UGT2B4: variants seen among roughly 807,000 people sequenced by gnomAD.
UGT2B4 encodes UDP glucuronosyltransferase family 2 member B4.
A neutral mutation model predicts 49.8 loss-of-function variants in UGT2B4; 49 were observed. The observed-to-expected ratio is 0.98, with a 90% CI of 0.78 to 1.25. The LOEUF (loss-of-function observed/expected upper bound fraction) is 1.25. UGT2B4 is among the 50% of genes most tolerant of loss of function. The pLI, the probability that UGT2B4 is intolerant of heterozygous loss-of-function variation, is 0.00. For missense variants in UGT2B4, 729 were observed against 627.7 expected (o/e 1.16, Z -1.73); for synonymous variants, 246 against 217.7 (o/e 1.13, Z -1.14).
upstream of UGT2B4, among the ~76,000 whole-genome samples, chr4:69,496,416 A>T (rs1728165045): frequency 6.6e-6 from 1 of 152,222 alleles, no homozygotes; most frequent in African/African-American, 2.4e-5. Context: ...AATAGTGTGC[A>T]TAAGAGTAGC....
At chr4:69,512,831 G>C (rs1280962884) in intron 1 of UGT2B4, among the ~76,000 whole-genome samples, 3 of 152,044 alleles carry the variant, frequency 2.0e-5, no homozygotes, top group Non-Finnish European at 4.4e-5. Flanking sequence ...TTTCTTTAAC[G>C]ATCAAAAAAG....
At chr4:69,525,344 A>G (rs1279594497) in intron 1 of UGT2B4, among the ~76,000 whole-genome samples, 2 of 152,164 alleles carry the variant, frequency 1.3e-5, no homozygotes, top group Non-Finnish European at 2.9e-5. Flanking sequence ...GTGAATACTG[A>G]CTGCATCTGA....
Position 69,485,313 on chromosome 4 carries a change from T to G in UGT2B4, c.1205A>C (p.Asn402Thr). ...TCCCTTGGCCTTCATGTGTGCAATG[T>G]TATCAGGTTGATCTGCAAACAATGG... ...GVPLFADQPD[N>T]IAHMKAKGAA... Residue 402 changes from asparagine to threonine, a missense_variant, in exon 5 of 6, where the codon AAC becomes ACC. Asn to Thr is a moderately conservative substitution (Grantham distance 65). Transcript: ENST00000305107. The G allele has an allele frequency of 6.2e-7, 1 of 1,614,062 alleles. No homozygotes were observed. Among genetic ancestry groups the G allele is most frequent in the Non-Finnish European group, 8.5e-7 (1 of 1,179,956 alleles).
At chr4:69,486,783 A>G in intron 3 of UGT2B4, 87 bp from the exon 4 acceptor site, 1 of 991,946 alleles carries the variant, frequency 1.0e-6, no homozygotes, top group East Asian at 2.6e-5. Flanking sequence ...AACAATGAGA[A>G]GAACAAGGGA....
At chr4:69,499,374 AC>A, upstream of UGT2B4, among the ~76,000 whole-genome samples, 1 of 152,166 alleles carries the variant, frequency 6.6e-6, no homozygotes, top group East Asian at 1.9e-4. Flanking sequence ...GATATCTGTC[AC>A]GTCCACTTGA....
At chr4:69,491,485 G>A (rs988370730) in intron 2 of UGT2B4, among the ~76,000 whole-genome samples, 16 of 151,702 alleles carry the variant, frequency 1.1e-4, no homozygotes, top group African/African-American at 3.9e-4. Context: ...TAATACATTT[G>A]CCAAGTGTCC....
intron 1 of UGT2B4, among the ~76,000 whole-genome samples, chr4:69,504,106 G>A (rs1375106956): frequency 6.6e-6 from 1 of 152,124 alleles, no homozygotes; most frequent in Non-Finnish European, 1.5e-5. Flanking sequence ...ATTGATGACA[G>A]GCCCACAAAG....
intron 2 of UGT2B4, among the ~76,000 whole-genome samples, chr4:69,491,259 CTG>C (rs1727977512): frequency 6.6e-6 from 1 of 151,668 alleles, no homozygotes; most frequent in African/African-American, 2.4e-5. Context: ...CTGACTGTAA[CTG>C]AATATTTTAT....
At chr4:69,500,605 G>GAAAGCAAGAAAGCAA (rs57424138), upstream of UGT2B4, among the ~76,000 whole-genome samples, 452 of 130,654 alleles carry the variant, frequency 3.5e-3, 5 homozygotes, top group Middle Eastern at 0.019. Flanking sequence ...AAGAAAGCAA[G>GAAAGCAAGAAAGCAA]GAAGAAAGAA....
intron 1 of UGT2B4, among the ~76,000 whole-genome samples, 167 bp from the exon 2 acceptor site, chr4:69,494,008 T>C (rs1728073268): frequency 6.6e-6 from 1 of 152,108 alleles, no homozygotes; most frequent in Non-Finnish European, 1.5e-5. Context: ...TTATGTATTA[T>C]ATATTTTACC....
At chr4:69,494,752 AT>A (rs1728093229) in intron 1 of UGT2B4, among the ~76,000 whole-genome samples, 1 of 152,218 alleles carries the variant, frequency 6.6e-6, no homozygotes, top group Non-Finnish European at 1.5e-5. Context: ...CTGCAATGTT[AT>A]ATAGATAGTT....
exon 1 of UGT2B4, chr4:69,525,743 C>A: frequency 7.9e-7 from 1 of 1,264,998 alleles, no homozygotes; most frequent in Non-Finnish European, 1.0e-6. Context: ...GATGTAGTCC[C>A]TGTGCTCAAG....
In UGT2B4 at chr4:69,512,923, TG is replaced by T. The variant is rs1319505075; in HGVS notation, c.-106+12763del. On this transcript the variant is annotated intron_variant, in intron 1 of 1. Transcript: ENST00000510114. ...TTCGTGTTCTTTGCCCACTTATTGC[TG>T]GGGTTGTTTGTTTTTCTCTTGTAAA... is the stretch of plus-strand genomic sequence containing the variant. 3.3e-5 allele frequency among the ~76,000 whole-genome samples: 5 copies of T among 152,292 alleles called. No homozygotes were observed. The East Asian group carries it at 9.6e-4, about 29-fold the overall frequency.
At chr4:69,500,664 A>AG (rs1560438439), upstream of UGT2B4, among the ~76,000 whole-genome samples, 11 of 118,436 alleles carry the variant, frequency 9.3e-5, no homozygotes, top group South Asian at 2.6e-4. Flanking sequence ...AAAGAAAGAA[A>AG]GAAAGGAAGG....
At chr4:69,515,514 G>A (rs2109830717) in intron 1 of UGT2B4, among the ~76,000 whole-genome samples, 1 of 152,286 alleles carries the variant, frequency 6.6e-6, no homozygotes, top group Admixed American at 6.5e-5. Context: ...CTAAAGCAGT[G>A]TTAGGGAAAT....
chr4:69,509,188 T>TTTTTTTTTTA (rs1728548399), intron 1 of UGT2B4, among the ~76,000 whole-genome samples: 2 of 149,784 alleles, frequency 1.3e-5, no homozygotes, highest in African/African-American at 4.9e-5. Context: ...TTTTTTTTTT[T>TTTTTTTTTTA]GAGACAGGGT....
At chr4:69,504,199 A>G (rs1728410676) in intron 1 of UGT2B4, among the ~76,000 whole-genome samples, 1 of 152,212 alleles carries the variant, frequency 6.6e-6, no homozygotes, top group Non-Finnish European at 1.5e-5. Flanking sequence ...CCTCTCCAGC[A>G]AAGGTTCAGA....
intron 1 of UGT2B4, among the ~76,000 whole-genome samples, chr4:69,505,400 C>T (rs1359696775): frequency 6.6e-6 from 1 of 151,824 alleles, no homozygotes; most frequent in Non-Finnish European, 1.5e-5. Flanking sequence ...AGATAAAAAA[C>T]AGAAAAAAAC....
chr4:69,495,267 A>C lies in UGT2B4; in HGVS notation c.595T>G (p.Ser199Ala), dbSNP rs780464118. 23 of 1,613,444 alleles carry C rather than the reference A, an allele frequency of 1.4e-5. No individual in the cohort carries two copies. The highest frequency in any genetic ancestry group is 1.9e-5 in the Non-Finnish European group (23 of 1,179,744). ...FPPSYVPVVM[S>A]ELSDQMTFIE... ...AAAGTCATTTGGTCACTTAGTTCTGACATAACAACAGGCACATAGGAAGGA... is the reference window on the plus strand; with the variant it reads ...AAAGTCATTTGGTCACTTAGTTCTGCCATAACAACAGGCACATAGGAAGGA... Residue 199 changes from serine to alanine, a missense_variant, in exon 1 of 6, where the codon TCA becomes GCA. Transcript: ENST00000305107.
Sources: allele counts gnomAD v4.1 joint callset (sites outside exome capture counted in the v4.1 genomes callset), GRCh38; gene constraint gnomAD v4.1.1; transcripts MANE v1.5; gene names NCBI Gene and HGNC (gene_info 2026-07-23, HGNC 2026-07-21).